Variants in MTUS1 observed in about 807,000 individuals in gnomAD.
The protein encoded by MTUS1 is microtubule-associated tumor suppressor 1.
Under a neutral mutation model 120.8 loss-of-function variants are expected in MTUS1, and 109 were observed. The ratio of observed to expected loss-of-function variants is 0.90; its 90% CI spans 0.77 to 1.06. MTUS1 has a LOEUF of 1.06. MTUS1 is among the 50% of genes least tolerant of loss of function. The pLI, the probability that MTUS1 is intolerant of heterozygous loss-of-function variation, is 0.00. For synonymous variants in MTUS1, 737 were observed against 550.5 expected (o/e 1.34, Z -4.74); for missense variants, 2,210 against 1,486.3 (o/e 1.49, Z -8.01).
intron 7 of MTUS1, among the ~76,000 whole-genome samples, chr8:17,678,876 A>G (rs1431128297): frequency 6.6e-6 from 1 of 152,170 alleles, no homozygotes; most frequent in Non-Finnish European, 1.5e-5. Flanking sequence ...CTTAATTACT[A>G]CCATCAATAC....
At chr8:17,791,048 T>G (rs995298636) in intron 1 of MTUS1, among the ~76,000 whole-genome samples, 6 of 152,224 alleles carry the variant, frequency 3.9e-5, no homozygotes, top group African/African-American at 1.4e-4. Flanking sequence ...CAACAGAAAC[T>G]TATTACTTCC....
chr8:17,781,210 T>C (rs1047234169), intron 1 of MTUS1, among the ~76,000 whole-genome samples: 6 of 152,228 alleles, frequency 3.9e-5, no homozygotes, highest in African/African-American at 1.4e-4. Flanking sequence ...ACGTTTCAAA[T>C]ATCTCATAGC....
intron 3 of MTUS1, among the ~76,000 whole-genome samples, chr8:17,742,768 A>G (rs1377708103): frequency 6.6e-6 from 1 of 152,224 alleles, no homozygotes; most frequent in African/African-American, 2.4e-5. Context: ...GTAGAGAGGT[A>G]CAGAGATCTT....
intron 3 of MTUS1, among the ~76,000 whole-genome samples, chr8:17,730,195 AGGCCGGGGGTGGT>A (rs1471558551): frequency 2.0e-5 from 3 of 152,258 alleles, no homozygotes; most frequent in African/African-American, 7.2e-5. Context: ...ATGTGAAAGC[AGGCCGGGGGTGGT>A]GGCTCGTGCC....
chr8:17,647,242 T>C, intron 13 of MTUS1, 163 bp from the exon 14 acceptor site: 1 of 574,278 alleles, frequency 1.7e-6, no homozygotes, highest in African/African-American at 1.9e-5. Flanking sequence ...AAAAAGATTT[T>C]AAAACAGCAA....
At chr8:17,662,323 A>C (rs1489911004) in intron 8 of MTUS1, among the ~76,000 whole-genome samples, 1 of 151,806 alleles carries the variant, frequency 6.6e-6, no homozygotes, top group Non-Finnish European at 1.5e-5. Context: ...AGACAAACAC[A>C]AAGTCAAAGT....
rs148229949 is a variant in MTUS1, at chr8:17,666,179, C to T, written c.2905+9007G>A. Among the ~76,000 whole-genome samples, 32 of 143,120 alleles carry T rather than the reference C, an allele frequency of 2.2e-4. No individual in the cohort carries two copies. The East Asian group carries it at 5.7e-3, about 25-fold the overall frequency. 93.9% of individuals were successfully genotyped at this position (143,120 alleles called of 152,430 possible). A position where few individuals can be genotyped will look rare whatever the true frequency, so the allele number is the denominator to read the frequency against. On this transcript the variant is annotated intron_variant, in intron 8 of 14. Transcript: ENST00000693296. ...TTTAGGAATAAAAGTGGGTTGGAGG[C>T]GAGAGCACAGCTGAATATCTGACAA...
intron 1 of MTUS1, among the ~76,000 whole-genome samples, chr8:17,793,284 C>A (rs1170292624): frequency 2.0e-5 from 3 of 152,178 alleles, no homozygotes; most frequent in Admixed American, 6.5e-5. Context: ...CCTTCCAGCT[C>A]TGATGCTCTG....
rs114466172 is a variant in MTUS1, at chr8:17,660,538, G to C, written c.2906-4473C>G. Among the ~76,000 whole-genome samples the C allele has an allele frequency of 5.2e-3, 795 of 152,168 alleles. 5 individuals carry two copies. Among genetic ancestry groups the C allele is most frequent in the African/African-American group, 0.018 (754 of 41,504 alleles). On this transcript the variant is annotated intron_variant, in intron 8 of 14. Transcript: ENST00000693296. ...CCGAGTCCCTGCTTTCAATTCTTTGGTGTATATACCCAGAAGGAATTGCTG... is the reference window on the plus strand; with the variant it reads ...CCGAGTCCCTGCTTTCAATTCTTTGCTGTATATACCCAGAAGGAATTGCTG...
At chr8:17,667,444 G>C (rs774786040) in intron 8 of MTUS1, among the ~76,000 whole-genome samples, 2 of 152,116 alleles carry the variant, frequency 1.3e-5, no homozygotes, top group Admixed American at 1.3e-4. Flanking sequence ...AGATAAAAAC[G>C]GAACAGTGAA....
intron 6 of MTUS1, among the ~76,000 whole-genome samples, chr8:17,703,444 T>G (rs1349356190): frequency 6.6e-6 from 1 of 151,922 alleles, no homozygotes; most frequent in African/African-American, 2.4e-5. Flanking sequence ...CCATCCTGGT[T>G]AACATGGTGA....
chr8:17,718,640 G>C (rs1219730703), intron 4 of MTUS1, among the ~76,000 whole-genome samples: 4 of 152,018 alleles, frequency 2.6e-5, no homozygotes, highest in African/African-American at 4.8e-5. Flanking sequence ...AATTTTTCAT[G>C]TGGCCACCTA....
At chr8:17,776,258 A>T (rs1554539160) in intron 1 of MTUS1, among the ~76,000 whole-genome samples, 1 of 151,788 alleles carries the variant, frequency 6.6e-6, no homozygotes, top group Non-Finnish European at 1.5e-5. Flanking sequence ...CTATGGAAGG[A>T]TGTGTTTTTA....
intron 6 of MTUS1, among the ~76,000 whole-genome samples, chr8:17,691,591 G>C (rs561284570): frequency 1.3e-5 from 2 of 152,286 alleles, no homozygotes; most frequent in Admixed American, 6.5e-5. Flanking sequence ...AGATAACTAA[G>C]GGGCAGTGAA....
intron 3 of MTUS1, among the ~76,000 whole-genome samples, chr8:17,733,328 G>A (rs925406642): frequency 1.3e-5 from 2 of 151,048 alleles, no homozygotes; most frequent in South Asian, 2.1e-4. Context: ...TCCAGCCTGG[G>A]CGACACAGCA....
rs544543809 is a variant in MTUS1, at chr8:17,653,302, G to C, written c.3289-21C>G. The C allele has an allele frequency of 2.6e-5, 40 of 1,518,404 alleles. 2 individuals carry two copies. The South Asian group carries it at 4.0e-4, about 15-fold the overall frequency. 94.1% of individuals were successfully genotyped at this position (1,518,404 alleles called of 1,614,324 possible). A position where few individuals can be genotyped will look rare whatever the true frequency, so the allele number is the denominator to read the frequency against. On this transcript the variant is annotated intron_variant, in intron 11 of 14. Coordinates refer to ENST00000693296, the MANE Select transcript of MTUS1 (RefSeq NM_001363059.2). ...TGCTTCTAAAACACAATGAAATGTG[G>C]AACTTAAGTTAACAAGAAAACCCCA... is the stretch of plus-strand genomic sequence containing the variant.
At chr8:17,667,734 G>A (rs1811197731) in intron 8 of MTUS1, among the ~76,000 whole-genome samples, 1 of 152,148 alleles carries the variant, frequency 6.6e-6, no homozygotes, top group South Asian at 2.1e-4. Flanking sequence ...CAGAAGATTG[G>A]TGGTCTAGCC....
chr8:17,682,992 G>C (rs1442661523), intron 7 of MTUS1, among the ~76,000 whole-genome samples: 1 of 152,162 alleles, frequency 6.6e-6, no homozygotes, highest in African/African-American at 2.4e-5. Context: ...AATCATTAAG[G>C]CTGGGCGCAG....
intron 6 of MTUS1, among the ~76,000 whole-genome samples, chr8:17,691,760 TA>T (rs1816986620): frequency 6.6e-6 from 1 of 152,284 alleles, no homozygotes; most frequent in East Asian, 1.9e-4. Flanking sequence ...CATTTTGTAG[TA>T]CGAAAAACAC....
Sources: gnomAD v4.1 joint callset for allele counts (sites outside exome capture counted in the v4.1 genomes callset) on GRCh38, gnomAD v4.1.1 for gene constraint, MANE v1.5 for transcripts, NCBI Gene and HGNC (gene_info 2026-07-23, HGNC 2026-07-21) for gene names.